The following EAF2 variants were observed in gnomAD, a reference collection of about 807,000 sequenced individuals.
EAF2 encodes the protein ELL-associated factor 2.
In EAF2, 29 loss-of-function variants were observed where a neutral mutation model predicts 29.4. That is an observed-to-expected ratio of 0.99 (90% CI 0.73 to 1.35). The LOEUF is 1.35. EAF2 is among the 40% of genes most tolerant of loss of function. The pLI is 0.00. For missense variants in EAF2, 292 were observed against 312.0 expected, an observed-to-expected ratio of 0.94 and a Z score of 0.48; for synonymous variants, 103 against 102.5, an observed-to-expected ratio of 1.00 and a Z score of -0.03.
At chr3:121,876,280 A>G (rs2107544166) in intron 5 of EAF2, among the ~76,000 whole-genome samples, 1 of 151,784 alleles carries the variant, frequency 6.6e-6, no homozygotes, top group South Asian at 2.1e-4. Flanking sequence ...TTCTACCTAG[A>G]ATTTTATACC....
At chr3:121,868,470 G>A (rs1360003478) in intron 4 of EAF2, among the ~76,000 whole-genome samples, 2 of 152,170 alleles carry the variant, frequency 1.3e-5, no homozygotes, top group Non-Finnish European at 2.9e-5. Flanking sequence ...ACGGTGGCAC[G>A]CACCTTAATC....
At chr3:121,879,919 A>T (rs1480331633) in intron 5 of EAF2, among the ~76,000 whole-genome samples, 1 of 151,890 alleles carries the variant, frequency 6.6e-6, no homozygotes, top group African/African-American at 2.4e-5. Context: ...ATCTGTGAAG[A>T]ATGTCTTTGG....
intron 3 of EAF2, among the ~76,000 whole-genome samples, chr3:121,856,437 C>T (rs1458256017): frequency 2.0e-5 from 3 of 151,810 alleles, no homozygotes; most frequent in African/African-American, 7.3e-5. Flanking sequence ...CCTCAGCCTC[C>T]GAAAGTGCTG....
intron 4 of EAF2, among the ~76,000 whole-genome samples, chr3:121,860,912 C>T (rs1024353975): frequency 2.0e-5 from 3 of 152,074 alleles, no homozygotes; most frequent in African/African-American, 7.2e-5. Flanking sequence ...TTATTTCTGC[C>T]TTCATTTTGT....
chr3:121,864,205 C>T (rs1383652870), intron 4 of EAF2, among the ~76,000 whole-genome samples: 2 of 151,976 alleles, frequency 1.3e-5, no homozygotes, highest in Admixed American at 6.6e-5. Context: ...GCAGTGAGAC[C>T]CTGGTCACTA....
intron 5 of EAF2, chr3:121,873,280 G>C: frequency 2.2e-6 from 1 of 463,158 alleles, no homozygotes; most frequent in Admixed American, 3.9e-5. Context: ...TCAATCTTTG[G>C]CTCACTGTGT....
chr3:121,844,506 G>A lies in EAF2; in HGVS notation c.160G>A (p.Gly54Ser). 6.2e-7 allele frequency: 1 copy of A among 1,611,024 alleles called. No homozygotes were observed. The highest frequency in any genetic ancestry group is 1.3e-5 in the African/African-American group (1 of 74,878). Residue 54 changes from glycine to serine, a missense_variant, in exon 2 of 6, where the codon GGT becomes AGT. Coordinates refer to ENST00000273668, the MANE Select transcript of EAF2 (RefSeq NM_018456.6). ...TTCTTCTGAAGGATACCTTGAGGTT[G>A]GTGAAGGTGAACAGGTGACCATAAC... ...DTSSEGYLEV[G>S]EGEQVTITLP... is the part of the protein sequence containing the mutation.
chr3:121,843,865 A>T (rs1025796555), intron 1 of EAF2, among the ~76,000 whole-genome samples: 5 of 152,160 alleles, frequency 3.3e-5, no homozygotes, highest in Non-Finnish European at 5.9e-5. Context: ...CTGTTAAACT[A>T]GAAAGATTAC....
chr3:121,866,269 A>T (rs1006848948), intron 4 of EAF2, among the ~76,000 whole-genome samples: 1 of 152,178 alleles, frequency 6.6e-6, no homozygotes, highest in African/African-American at 2.4e-5. Flanking sequence ...AATACTGTAA[A>T]AACTCTGAAA....
intron 5 of EAF2, among the ~76,000 whole-genome samples, chr3:121,876,463 G>A (rs914362017): frequency 2.0e-5 from 3 of 151,696 alleles, no homozygotes; most frequent in Admixed American, 6.6e-5. Context: ...AAACAGTAGT[G>A]AACAAAAAAA....
intron 4 of EAF2, among the ~76,000 whole-genome samples, chr3:121,859,121 T>C (rs12489142): frequency 0.1 from 15,383 of 152,266 alleles, 814 homozygotes; most frequent in South Asian, 0.16. Context: ...CCGGCTTTGT[T>C]CTTTTGGCTT....
intron 2 of EAF2, among the ~76,000 whole-genome samples, chr3:121,846,596 G>A (rs1334750430): frequency 1.3e-5 from 2 of 152,042 alleles, no homozygotes; most frequent in Non-Finnish European, 2.9e-5. Context: ...CAACAAGAGC[G>A]AAACTCTGTC....
chr3:121,876,275 C>A (rs933300728), intron 5 of EAF2, among the ~76,000 whole-genome samples: 1 of 151,666 alleles, frequency 6.6e-6, no homozygotes, highest in African/African-American at 2.4e-5. Context: ...TATAATTCTA[C>A]CTAGAATTTT....
At chr3:121,882,708 T>A (rs756366516) in intron 5 of EAF2, among the ~76,000 whole-genome samples, 1 of 151,516 alleles carries the variant, frequency 6.6e-6, no homozygotes, top group African/African-American at 2.4e-5. Flanking sequence ...TTGGAAAGAT[T>A]ACTAGATGCA....
intron 5 of EAF2, among the ~76,000 whole-genome samples, chr3:121,875,461 CTAGGT>C (rs1709080008): frequency 6.6e-6 from 1 of 151,782 alleles, no homozygotes; most frequent in Admixed American, 6.6e-5. Context: ...GCTCAGAGGA[CTAGGT>C]GGAACGAACT....
chr3:121,840,383 C>T (rs1559815814), intron 1 of EAF2, among the ~76,000 whole-genome samples: 1 of 147,390 alleles, frequency 6.8e-6, no homozygotes, highest in Non-Finnish European at 1.5e-5. Context: ...CCCAGCCACT[C>T]AGGAGGCTGA....
intron 1 of EAF2, among the ~76,000 whole-genome samples, chr3:121,840,858 G>T (rs1053065117): frequency 1.3e-5 from 2 of 150,644 alleles, no homozygotes; most frequent in Non-Finnish European, 2.9e-5. Context: ...GTTTATGATA[G>T]GTTTTGATTA....
intron 1 of EAF2, among the ~76,000 whole-genome samples, chr3:121,842,204 A>G (rs1013724702): frequency 1.3e-5 from 2 of 152,208 alleles, no homozygotes; most frequent in Non-Finnish European, 1.5e-5. Context: ...AATAATTAAT[A>G]AAGTTGCGGA....
At chr3:121,885,494 C>T (rs992753492) in intron 5 of EAF2, among the ~76,000 whole-genome samples, 15 of 152,182 alleles carry the variant, frequency 9.9e-5, no homozygotes, top group Admixed American at 9.2e-4. Context: ...AAACAAAATC[C>T]AAAGTTTTTA....
Sources: allele counts gnomAD v4.1 joint callset (sites outside exome capture counted in the v4.1 genomes callset), GRCh38; gene constraint gnomAD v4.1.1; transcripts MANE v1.5; gene names NCBI Gene and HGNC (gene_info 2026-07-23, HGNC 2026-07-21).